The following MACROD2 variants were observed in gnomAD, a reference collection of about 807,000 sequenced individuals.
MACROD2 encodes mono-ADP ribosylhydrolase 2.
A neutral mutation model predicts 70.4 loss-of-function variants in MACROD2; 36 were observed. The observed-to-expected ratio is 0.51, with a 90% CI of 0.39 to 0.68. MACROD2 has a LOEUF of 0.68. Ranked by LOEUF, MACROD2 falls within the 30% of genes least tolerant of loss-of-function variation. The pLI, the probability that MACROD2 is intolerant of heterozygous loss-of-function variation, is 0.00. For synonymous variants in MACROD2, 172 were observed against 178.8 expected (o/e 0.96, Z 0.30); for missense variants, 496 against 538.4 (o/e 0.92, Z 0.78).
chr20:14,096,220 A>G (rs2054222936), intron 3 of MACROD2, among the ~76,000 whole-genome samples: 1 of 152,176 alleles, frequency 6.6e-6, no homozygotes. Context: ...GATACAGTTC[A>G]TTGTGTATAA....
At chr20:14,132,011 G>A (rs960035573) in intron 3 of MACROD2, among the ~76,000 whole-genome samples, 4 of 151,550 alleles carry the variant, frequency 2.6e-5, no homozygotes, top group African/African-American at 9.7e-5. Flanking sequence ...TGCACCTGTA[G>A]TCCCAGCTGC....
chr20:14,328,795 A>T (rs2082781336), intron 3 of MACROD2: 1 of 152,232 alleles, frequency 6.6e-6, no homozygotes, highest in African/African-American at 2.4e-5. Context: ...GGGCAAGCTC[A>T]TTAAAGTGGG....
intron 5 of MACROD2, among the ~76,000 whole-genome samples, chr20:14,796,589 A>G (rs2072512222): frequency 6.6e-6 from 1 of 152,076 alleles, no homozygotes; most frequent in Non-Finnish European, 1.5e-5. Flanking sequence ...ATTTTCGTTT[A>G]TAAGAGTACA....
intron 8 of MACROD2, among the ~76,000 whole-genome samples, chr20:15,623,795 GTCTATC>G (rs1568935443): frequency 6.6e-6 from 1 of 151,592 alleles, no homozygotes; most frequent in Non-Finnish European, 1.5e-5. Flanking sequence ...TCTATCTACT[GTCTATC>G]TCTAGATAAA....
chr20:15,009,949 G>GT (rs1343540792), intron 5 of MACROD2, among the ~76,000 whole-genome samples: 1 of 151,956 alleles, frequency 6.6e-6, no homozygotes, highest in East Asian at 1.9e-4. Context: ...GCAAGATTAT[G>GT]TTTCCTTTGT....
intron 6 of MACROD2, among the ~76,000 whole-genome samples, chr20:15,315,660 T>A (rs970253087): frequency 8.5e-5 from 13 of 152,230 alleles, no homozygotes; most frequent in Admixed American, 7.2e-4. Context: ...TCTGAGGAAG[T>A]TAATAGTAGA....
chr20:16,019,289 T>C (rs1364350381), intron 15 of MACROD2, among the ~76,000 whole-genome samples: 1 of 152,062 alleles, frequency 6.6e-6, no homozygotes, highest in Non-Finnish European at 1.5e-5. Flanking sequence ...CTGTAGAGGG[T>C]GGTAGATGGA....
At chr20:15,953,711 T>C (rs1183760897) in intron 12 of MACROD2, among the ~76,000 whole-genome samples, 1 of 152,162 alleles carries the variant, frequency 6.6e-6, no homozygotes, top group East Asian at 1.9e-4. Context: ...TGCCTAGAAC[T>C]AAATGATAGT....
intron 5 of MACROD2, among the ~76,000 whole-genome samples, chr20:15,071,624 G>A (rs1440866202): frequency 3.9e-5 from 6 of 152,012 alleles, no homozygotes; most frequent in Admixed American, 3.9e-4. Context: ...TGTTGATTTT[G>A]CCCATTAAAT....
chr20:15,357,980 T>C (rs1275754359), intron 6 of MACROD2, among the ~76,000 whole-genome samples: 1 of 152,072 alleles, frequency 6.6e-6, no homozygotes, highest in Non-Finnish European at 1.5e-5. Flanking sequence ...CTAATTTTTT[T>C]TGTATTTTTA....
intron 5 of MACROD2, among the ~76,000 whole-genome samples, chr20:15,151,781 T>G (rs1428288887): frequency 6.6e-6 from 1 of 151,956 alleles, no homozygotes; most frequent in Non-Finnish European, 1.5e-5. Context: ...CTGGGCAGGT[T>G]GGGGAGGGCT....
chr20:15,452,663 T>C (rs1224730097), intron 7 of MACROD2, among the ~76,000 whole-genome samples: 1 of 152,134 alleles, frequency 6.6e-6, no homozygotes, highest in African/African-American at 2.4e-5. Flanking sequence ...TTACTCCTTA[T>C]AACTGTGGGC....
rs570922059 is a variant in MACROD2, at chr20:14,785,144, C to T, written c.418+100185C>T. 4.6e-5 allele frequency among the ~76,000 whole-genome samples: 7 copies of T among 151,704 alleles called. No homozygotes were observed. In the East Asian group the frequency reaches 1.2e-3, roughly 25 times the overall value. ...CTCTCAGTCAGAAAACTGTCTGTCT[C>T]TCCCTGTCAGTCTCTCATGAACACA... is the stretch of plus-strand genomic sequence containing the variant. On this transcript the variant is annotated intron_variant, in intron 5 of 17. Transcript: ENST00000684519.
intron 5 of MACROD2, among the ~76,000 whole-genome samples, chr20:14,964,472 C>T (rs2074613283): frequency 6.6e-6 from 1 of 151,860 alleles, no homozygotes; most frequent in Admixed American, 6.6e-5. Context: ...ACTCAGGAGG[C>T]TGAGGCAGAA....
intron 4 of MACROD2, among the ~76,000 whole-genome samples, chr20:14,640,822 T>G (rs1172167399): frequency 6.6e-6 from 1 of 152,256 alleles, no homozygotes; most frequent in African/African-American, 2.4e-5. Context: ...AGCAATCATC[T>G]GAGCCTTCAA....
chr20:15,400,080 G>C (rs1347152571), intron 6 of MACROD2, among the ~76,000 whole-genome samples: 1 of 152,104 alleles, frequency 6.6e-6, no homozygotes, highest in African/African-American at 2.4e-5. Context: ...TCAGGAAGTT[G>C]AAAAGAAAGA....
At chr20:14,820,858 T>G (rs2072836114) in intron 5 of MACROD2, among the ~76,000 whole-genome samples, 2 of 152,086 alleles carry the variant, frequency 1.3e-5, no homozygotes, top group Non-Finnish European at 2.9e-5. Context: ...GTATAGCATT[T>G]GCACAGTGTT....
At chr20:15,760,416 G>T (rs1318601670) in intron 8 of MACROD2, among the ~76,000 whole-genome samples, 1 of 152,218 alleles carries the variant, frequency 6.6e-6, no homozygotes, top group Non-Finnish European at 1.5e-5. Context: ...AGCTGAGAAA[G>T]ACACAGCTCA....
At chr20:15,681,274 T>C (rs1029221345) in intron 8 of MACROD2, among the ~76,000 whole-genome samples, 1 of 152,224 alleles carries the variant, frequency 6.6e-6, no homozygotes, top group Non-Finnish European at 1.5e-5. Flanking sequence ...ATTTTATCTC[T>C]CTTACTACCT....
Sources: allele counts gnomAD v4.1 joint callset (sites outside exome capture counted in the v4.1 genomes callset), GRCh38; gene constraint gnomAD v4.1.1; transcripts MANE v1.5; gene names NCBI Gene and HGNC (gene_info 2026-07-23, HGNC 2026-07-21).